Variants in MBD3L1 observed in about 807,000 individuals in gnomAD.
MBD3L1 encodes the protein methyl-CpG-binding domain protein 3-like 1.
For synonymous variants in MBD3L1, 84 were observed against 85.1 expected (o/e 0.99, Z 0.07); for missense variants, 203 against 230.1 (o/e 0.88, Z 0.76).
chr19:8,842,606 A>G lies in MBD3L1; in HGVS notation c.-21-52A>G, dbSNP rs2044524507. ...GAACAGCTGAGATCCTTGTCCTGAG[A>G]AGGCAGGCTTCATTGATCAATTTGA... is the stretch of plus-strand genomic sequence containing the variant. On this transcript the variant is annotated intron_variant, in intron 2 of 2. Transcript: ENST00000595891. 3.8e-6 allele frequency: 5 copies of G among 1,314,584 alleles called. No homozygotes were observed. In the South Asian group the frequency reaches 6.9e-5, roughly 18 times the overall value. 81.4% of individuals were successfully genotyped at this position (1,314,584 alleles called of 1,614,324 possible).
At chr19:8,838,321 G>A (rs1433148537) in intron 1 of MBD3L1, among the ~76,000 whole-genome samples, 1 of 141,216 alleles carries the variant, frequency 7.1e-6, no homozygotes, top group East Asian at 2.1e-4. Flanking sequence ...CCAGGGCAAG[G>A]CCACCTGTGG....
intron 1 of MBD3L1, among the ~76,000 whole-genome samples, chr19:8,836,463 C>A (rs1005088197): frequency 1.3e-5 from 2 of 150,110 alleles, no homozygotes; most frequent in Admixed American, 1.3e-4. Context: ...TTTCCTCCTC[C>A]TCCCCCCCTC....
chr19:8,841,795 G>T (rs765123799), intron 2 of MBD3L1, among the ~76,000 whole-genome samples: 3 of 152,068 alleles, frequency 2.0e-5, no homozygotes, highest in Non-Finnish European at 2.9e-5. Context: ...GACCTCAAGC[G>T]ATTCGCCTGC....
intron 1 of MBD3L1, among the ~76,000 whole-genome samples, chr19:8,838,281 A>AAAAAAAAAAAAAAC (rs2044476153): frequency 1.3e-5 from 2 of 148,500 alleles, no homozygotes; most frequent in African/African-American, 2.5e-5. Flanking sequence ...AAAAAAAAAA[A>AAAAAAAAAAAAAAC]AAGATCAGCA....
At chr19:8,842,467 G>T in intron 2 of MBD3L1, 191 bp from the exon 3 acceptor site, 1 of 541,326 alleles carries the variant, frequency 1.8e-6, no homozygotes, top group African/African-American at 1.9e-5. Context: ...TTTGCAGGAT[G>T]ATGAAGGAGA....
chr19:8,835,171 C>T (rs2044442102), intron 1 of MBD3L1, among the ~76,000 whole-genome samples: 1 of 152,052 alleles, frequency 6.6e-6, no homozygotes, highest in African/African-American at 2.4e-5. Context: ...CCTGCCTCAG[C>T]CTCCCAAGTA....
chr19:8,841,279 A>G (rs551943553), intron 2 of MBD3L1, among the ~76,000 whole-genome samples: 1 of 148,760 alleles, frequency 6.7e-6, no homozygotes, highest in African/African-American at 2.5e-5. Flanking sequence ...TGATCCACCC[A>G]CCTCGGCCTC....
At chr19:8,835,233 G>T (rs181345701) in intron 1 of MBD3L1, among the ~76,000 whole-genome samples, 2 of 152,012 alleles carry the variant, frequency 1.3e-5, no homozygotes, top group Non-Finnish European at 2.9e-5. Flanking sequence ...TGTATTTTTA[G>T]CAGAGAGAGG....
intron 1 of MBD3L1, among the ~76,000 whole-genome samples, chr19:8,839,091 G>A (rs1409788546): frequency 6.6e-6 from 1 of 151,628 alleles, no homozygotes; most frequent in Non-Finnish European, 1.5e-5. Context: ...AATCCAGTTC[G>A]TACTTTCCAC....
intron 1 of MBD3L1, among the ~76,000 whole-genome samples, chr19:8,835,515 AAGAT>A (rs1431020896): frequency 1.3e-5 from 2 of 152,236 alleles, no homozygotes; most frequent in African/African-American, 4.8e-5. Flanking sequence ...TAAAATTAAA[AAGAT>A]AGCCAATAAC....
At chr19:8,838,252 C>CAAAAAAAAAA (rs542318207) in intron 1 of MBD3L1, among the ~76,000 whole-genome samples, 705 of 11,824 alleles carry the variant, frequency 0.06, 256 homozygotes, top group Middle Eastern at 0.12. Context: ...GACTCCATCT[C>CAAAAAAAAAA]AAAAAAAAAA....
chr19:8,833,812 AC>A (rs1403177187), intron 1 of MBD3L1, among the ~76,000 whole-genome samples: 1 of 152,018 alleles, frequency 6.6e-6, no homozygotes, highest in Non-Finnish European at 1.5e-5. Flanking sequence ...ACATGGTGAA[AC>A]CCCGTCTCTA....
At chr19:8,842,425 G>A (rs1244556926) in intron 2 of MBD3L1, among the ~76,000 whole-genome samples, 2 of 151,892 alleles carry the variant, frequency 1.3e-5, no homozygotes, top group Non-Finnish European at 2.9e-5. Flanking sequence ...AGGGCAGAAA[G>A]AGAATAAAAT....
chr19:8,835,695 AAC>A (rs1191802321), intron 1 of MBD3L1, among the ~76,000 whole-genome samples: 1 of 89,576 alleles, frequency 1.1e-5, no homozygotes, highest in Admixed American at 1.0e-4. Context: ...GAGAAATGAA[AAC>A]ATGTGTTCAC....
intron 1 of MBD3L1, among the ~76,000 whole-genome samples, chr19:8,834,436 C>T (rs531013802): frequency 5.3e-5 from 8 of 151,848 alleles, no homozygotes; most frequent in African/African-American, 1.2e-4. Context: ...GGTGAAACCC[C>T]GTCTCTACTA....
intron 1 of MBD3L1, among the ~76,000 whole-genome samples, chr19:8,834,348 G>A (rs1445159446): frequency 6.6e-6 from 1 of 152,018 alleles, no homozygotes; most frequent in South Asian, 2.1e-4. Flanking sequence ...GGTGGCTCAC[G>A]CCTGTAACCC....
chr19:8,839,744 T>G (rs1488733145), intron 1 of MBD3L1, among the ~76,000 whole-genome samples: 1 of 151,906 alleles, frequency 6.6e-6, no homozygotes, highest in African/African-American at 2.4e-5. Context: ...GAGACATAGA[T>G]GTAGATGATC....
intron 1 of MBD3L1, chr19:8,833,579 CA>C (rs2044413674): frequency 6.6e-6 from 1 of 152,144 alleles, no homozygotes; most frequent in Non-Finnish European, 1.5e-5. Context: ...ATAGACTGAA[CA>C]AAATAGGTAA....
intron 2 of MBD3L1, among the ~76,000 whole-genome samples, chr19:8,842,334 A>G (rs866103229): frequency 2.0e-5 from 3 of 150,928 alleles, no homozygotes; most frequent in African/African-American, 7.3e-5. Context: ...AAAAAAAAAA[A>G]GGCAAGATTT....
Sources: allele counts gnomAD v4.1 joint callset (sites outside exome capture counted in the v4.1 genomes callset), GRCh38; gene constraint gnomAD v4.1.1; transcripts MANE v1.5; gene names NCBI Gene and HGNC (gene_info 2026-07-23, HGNC 2026-07-21).